Variants in MAP3K13 observed in about 807,000 individuals in gnomAD.
MAP3K13 encodes the protein mitogen-activated protein kinase kinase kinase 13.
Under a neutral mutation model 104.0 loss-of-function variants are expected in MAP3K13, and 52 were observed. That is an observed-to-expected ratio of 0.50 (90% CI 0.40 to 0.63). The LOEUF (loss-of-function observed/expected upper bound fraction) is 0.63, where lower values mean the gene tolerates loss of function less well. MAP3K13 is among the 20% of genes least tolerant of loss of function. The pLI is 0.00. For missense variants in MAP3K13, 914 were observed against 1,218.5 expected (o/e 0.75, Z 3.72); for synonymous variants, 394 against 442.2 (o/e 0.89, Z 1.37).
intron 1 of MAP3K13, among the ~76,000 whole-genome samples, chr3:185,384,643 A>G (rs557939157): frequency 1.1e-4 from 17 of 152,236 alleles, no homozygotes; most frequent in African/African-American, 4.1e-4. Flanking sequence ...TTTTTTGATA[A>G]TAGCCATTCT....
At chr3:185,477,614 G>A (rs375679739) in intron 12 of MAP3K13, among the ~76,000 whole-genome samples, 15 of 152,186 alleles carry the variant, frequency 9.9e-5, no homozygotes, top group East Asian at 3.8e-4. Context: ...GCAACTTCAT[G>A]ATGAGGAGCA....
At chr3:185,334,414 T>G (rs564512320) in intron 2 of MAP3K13, among the ~76,000 whole-genome samples, 2 of 152,278 alleles carry the variant, frequency 1.3e-5, no homozygotes, top group African/African-American at 4.8e-5. Context: ...CTTGAACACT[T>G]AACTCTGAAA....
intron 1 of MAP3K13, among the ~76,000 whole-genome samples, chr3:185,413,276 G>A (rs1190143841): frequency 6.6e-6 from 1 of 152,154 alleles, no homozygotes. Flanking sequence ...CCTTACAACA[G>A]ACCAATCTAT....
At chr3:185,421,250 G>A (rs1186664796) in intron 1 of MAP3K13, among the ~76,000 whole-genome samples, 1 of 151,032 alleles carries the variant, frequency 6.6e-6, no homozygotes, top group East Asian at 1.9e-4. Context: ...CTGAAGTGCA[G>A]TGGCAGCATC....
chr3:185,467,940 G>A (rs1717550342), intron 10 of MAP3K13, among the ~76,000 whole-genome samples: 1 of 152,056 alleles, frequency 6.6e-6, no homozygotes, highest in Non-Finnish European at 1.5e-5. Context: ...GAAAAACAAA[G>A]GGGGAGCCAG....
chr3:185,458,490 A>G lies in MAP3K13; in HGVS notation c.1279-5060A>G, dbSNP rs558044285. On this transcript the variant is annotated intron_variant, in intron 7 of 13. Coordinates refer to ENST00000265026, the MANE Select transcript of MAP3K13 (RefSeq NM_004721.5). ...TTGTAGCTTTGTACTAAGTACAAAAATTAAGCCTCCTTTGGGTTGTTAGAT... is the reference window on the plus strand; with the variant it reads ...TTGTAGCTTTGTACTAAGTACAAAAGTTAAGCCTCCTTTGGGTTGTTAGAT... Among the ~76,000 whole-genome samples the G allele has an allele frequency of 2.6e-5, 4 of 152,296 alleles. No homozygotes were observed. In the East Asian group the frequency reaches 5.8e-4, roughly 22 times the overall value.
In MAP3K13 at chr3:185,423,522, G is replaced by A. The variant is rs544994011; in HGVS notation, c.-85-4975G>A. On this transcript the variant is annotated intron_variant, in intron 1 of 13. Transcript: ENST00000265026. This position sits in a 1 kb window ranked among gnomAD's most constrained non-coding sequence, Gnocchi z 4.1. ...CAGTAATGTCAAAGCTCAGAGATGAGCACGAAAAGAACAGGGGAGGGGAGG... is the reference window on the plus strand; with the variant it reads ...CAGTAATGTCAAAGCTCAGAGATGAACACGAAAAGAACAGGGGAGGGGAGG... Among the ~76,000 whole-genome samples, 1 of 152,344 alleles carries A rather than the reference G, an allele frequency of 6.6e-6. No individual in the cohort carries two copies. The highest frequency in any genetic ancestry group is 2.1e-4 in the South Asian group (1 of 4,830).
At position 185,284,411 on chromosome 3, in the gene MAP3K13, G is replaced by A. The variant is rs1345920888; in HGVS notation, c.-204-1114G>A. 2.0e-5 allele frequency among the ~76,000 whole-genome samples: 3 copies of A among 152,256 alleles called. No homozygotes were observed. The East Asian group carries it at 5.8e-4, about 29-fold the overall frequency. On this transcript the variant is annotated intron_variant, in intron 1 of 14. Transcript: ENST00000424227. ...CTTTGTTGGAAGTACTTGCTTAGGTGTCTTAAATGTGATAAAGTGTGGGGC... is the reference window on the plus strand; with the variant it reads ...CTTTGTTGGAAGTACTTGCTTAGGTATCTTAAATGTGATAAAGTGTGGGGC...
At position 185,450,140 on chromosome 3, in the gene MAP3K13, G is replaced by A; in HGVS notation, c.1169+82G>A. 2 of 1,314,544 alleles carry A rather than the reference G, an allele frequency of 1.5e-6. No homozygotes were observed. Among genetic ancestry groups the A allele is most frequent in the African/African-American group, 1.5e-5 (1 of 66,684 alleles). 81.4% of individuals were successfully genotyped at this position (1,314,544 alleles called of 1,614,324 possible). The stretch of plus-strand genomic sequence containing the variant: ...TATCCTGGTGGTGGAAAGAATAGGA[G>A]CTTTGGAGTAGGAGAATCTTGGGTT... On this transcript the variant is annotated intron_variant, in intron 6 of 13. Transcript: ENST00000265026. This position sits in a 1 kb window ranked among gnomAD's most constrained non-coding sequence, Gnocchi z 4.2.
intron 2 of MAP3K13, among the ~76,000 whole-genome samples, chr3:185,312,993 C>A (rs976043535): frequency 1.3e-5 from 2 of 151,926 alleles, no homozygotes; most frequent in African/African-American, 4.8e-5. Context: ...AGTTCAAGAC[C>A]AGCCTACTCA....
intron 1 of MAP3K13, among the ~76,000 whole-genome samples, chr3:185,409,137 G>C (rs1713285315): frequency 6.6e-6 from 1 of 152,200 alleles, no homozygotes; most frequent in Non-Finnish European, 1.5e-5. Flanking sequence ...GGAGGCCAAA[G>C]CAGGCAGATC....
intron 2 of MAP3K13, among the ~76,000 whole-genome samples, chr3:185,320,616 A>C (rs963277324): frequency 2.6e-5 from 4 of 152,174 alleles, no homozygotes; most frequent in Non-Finnish European, 1.5e-5. Context: ...TCTGGACATT[A>C]CCTCCACGGT....
chr3:185,363,144 C>G lies in MAP3K13; in HGVS notation c.-310C>G, dbSNP rs1414309744. The stretch of plus-strand genomic sequence containing the variant: ...CCCCTCTTTTTTTTTTCATGACACA[C>G]ACCACAGCGAAGTCTGTGCGGAATC... On this transcript the variant is annotated 5_prime_UTR_variant, in exon 1 of 14. Transcript: ENST00000265026. 1.0e-6 allele frequency: 1 copy of G among 984,750 alleles called. No individual in the cohort carries two copies. The highest frequency in any genetic ancestry group is 1.8e-5 in the African/African-American group (1 of 57,088). 61.0% of individuals were successfully genotyped at this position (984,750 alleles called of 1,614,324 possible).
chr3:185,321,170 TGC>T, intron 2 of MAP3K13, among the ~76,000 whole-genome samples: 1 of 150,388 alleles, frequency 6.6e-6, no homozygotes, highest in South Asian at 2.1e-4. Flanking sequence ...CACATATGCG[TGC>T]ACACACATAT....
intron 4 of MAP3K13, among the ~76,000 whole-genome samples, chr3:185,443,976 A>G (rs1715461305): frequency 6.6e-6 from 1 of 152,218 alleles, no homozygotes; most frequent in South Asian, 2.1e-4. Context: ...GTTGTTTTCC[A>G]TGTGTTCAAA....
At chr3:185,339,913 G>A (rs893409895) in intron 2 of MAP3K13, among the ~76,000 whole-genome samples, 5 of 152,122 alleles carry the variant, frequency 3.3e-5, no homozygotes, top group African/African-American at 9.7e-5. Flanking sequence ...AAATGATCAT[G>A]CAAGCTGAAA....
intron 2 of MAP3K13, among the ~76,000 whole-genome samples, chr3:185,306,767 C>T (rs1404542753): frequency 6.6e-6 from 1 of 152,136 alleles, no homozygotes; most frequent in East Asian, 1.9e-4. Flanking sequence ...ATTTGCTGTA[C>T]AGAAGCTCTT....
At chr3:185,292,549 C>A in intron 2 of MAP3K13, 1 of 639,272 alleles carries the variant, frequency 1.6e-6, no homozygotes, top group Non-Finnish European at 1.9e-6. Context: ...CCCGGCCTAC[C>A]TCACAGGGTT....
intron 2 of MAP3K13, among the ~76,000 whole-genome samples, chr3:185,357,638 G>A (rs962239900): frequency 2.6e-5 from 4 of 152,054 alleles, no homozygotes; most frequent in Non-Finnish European, 5.9e-5. Context: ...GAATTTGTAT[G>A]TTATGGAATG....
Sources: allele counts gnomAD v4.1 joint callset (sites outside exome capture counted in the v4.1 genomes callset), GRCh38; gene constraint gnomAD v4.1.1; non-coding constraint Gnocchi (gnomAD v3.1); transcripts MANE v1.5; gene names NCBI Gene and HGNC (gene_info 2026-07-23, HGNC 2026-07-21).